Variants in SGCZ observed in about 807,000 individuals in gnomAD.
SGCZ encodes zeta-sarcoglycan.
SGCZ carries 40 observed loss-of-function variants against 41.3 expected under a neutral mutation model. That is an observed-to-expected ratio of 0.97 (90% CI 0.75 to 1.26). SGCZ has a LOEUF of 1.26. SGCZ is among the 50% of genes most tolerant of loss of function. The pLI is 0.00. For missense variants in SGCZ, 552 were observed against 369.8 expected, an observed-to-expected ratio of 1.49 and a Z score of -4.04; for synonymous variants, 206 against 137.5, an observed-to-expected ratio of 1.50 and a Z score of -3.49.
chr8:14,504,734 C>A (rs536777253), intron 2 of SGCZ, among the ~76,000 whole-genome samples: 1 of 152,108 alleles, frequency 6.6e-6, no homozygotes, highest in Non-Finnish European at 1.5e-5. Flanking sequence ...TCTCTTACTT[C>A]TTTATGGCAC....
Position 14,401,857 on chromosome 8 carries a change from C to T in SGCZ, c.235-77653G>A, listed in dbSNP as rs560718067. On this transcript the variant is annotated intron_variant, in intron 2 of 7. Coordinates refer to ENST00000382080, the MANE Select transcript of SGCZ (RefSeq NM_139167.4). ...TTCTAGTTCTAGATCCCTGAGGAAT[C>T]GCCACACTGACTTCCACAATGGTTG... Among the ~76,000 whole-genome samples the T allele has an allele frequency of 4.7e-3, 710 of 149,610 alleles. 4 individuals are homozygous for T. The highest frequency in any genetic ancestry group is 0.016 in the African/African-American group (646 of 39,368).
intron 2 of SGCZ, among the ~76,000 whole-genome samples, chr8:14,362,302 G>A (rs1157243019): frequency 6.6e-6 from 1 of 152,220 alleles, no homozygotes; most frequent in African/African-American, 2.4e-5. Context: ...TAGAGAGGCA[G>A]TAGGCCTTGC....
At chr8:15,006,654 T>C (rs1214205993) in intron 1 of SGCZ, among the ~76,000 whole-genome samples, 1 of 152,190 alleles carries the variant, frequency 6.6e-6, no homozygotes, top group Non-Finnish European at 1.5e-5. Flanking sequence ...GGACTCATGT[T>C]GGAACTGGTA....
intron 1 of SGCZ, among the ~76,000 whole-genome samples, chr8:15,142,916 G>T (rs1326436236): frequency 6.6e-6 from 1 of 152,192 alleles, no homozygotes; most frequent in African/African-American, 2.4e-5. Flanking sequence ...AGCCAAAAAT[G>T]CTACTTTAAA....
chr8:15,149,207 C>T (rs1389943479), intron 1 of SGCZ, among the ~76,000 whole-genome samples: 1 of 152,044 alleles, frequency 6.6e-6, no homozygotes, highest in Non-Finnish European at 1.5e-5. Flanking sequence ...AATGACTATC[C>T]TTCAAACATT....
At chr8:15,010,133 G>A (rs1305398385) in intron 1 of SGCZ, among the ~76,000 whole-genome samples, 1 of 152,054 alleles carries the variant, frequency 6.6e-6, no homozygotes, top group Non-Finnish European at 1.5e-5. Context: ...GTTCATAATG[G>A]TGAGAAAAAA....
chr8:14,374,127 C>T (rs1432192427), intron 2 of SGCZ, among the ~76,000 whole-genome samples: 2 of 152,140 alleles, frequency 1.3e-5, no homozygotes, highest in Admixed American at 6.5e-5. Context: ...CCTATAATCC[C>T]GGCACTTTGG....
At chr8:14,175,139 C>A (rs746437453) in intron 4 of SGCZ, among the ~76,000 whole-genome samples, 2 of 152,020 alleles carry the variant, frequency 1.3e-5, no homozygotes, top group Admixed American at 6.5e-5. Flanking sequence ...GTCTTCAATG[C>A]CCTAGAAGAA....
At chr8:15,051,298 G>C (rs578244602) in intron 1 of SGCZ, among the ~76,000 whole-genome samples, 40 of 152,262 alleles carry the variant, frequency 2.6e-4, no homozygotes, top group African/African-American at 8.9e-4. Flanking sequence ...AATGCATCTG[G>C]CTTCTTTCAC....
At chr8:14,908,875 A>T (rs1384806200) in intron 1 of SGCZ, among the ~76,000 whole-genome samples, 1 of 152,122 alleles carries the variant, frequency 6.6e-6, no homozygotes. Context: ...ATATGCGACG[A>T]ATAGTTTGTT....
Position 14,759,008 on chromosome 8 carries a change from C to CAAA in SGCZ, c.40-204085_40-204083dup, listed in dbSNP as rs760673509. On this transcript the variant is annotated intron_variant, in intron 1 of 7. Transcript: ENST00000382080. ...GGGCAACAGGAGTGAAACTCCATCT[C>CAAA]AAAAAAAAAAAAAAAAATTCTTTAC... Among the ~76,000 whole-genome samples the CAAA allele has an allele frequency of 2.0e-3, 222 of 112,498 alleles. 2 individuals are homozygous for CAAA. Among genetic ancestry groups the CAAA allele is most frequent in the African/African-American group, 5.1e-3 (165 of 32,670 alleles). 73.8% of individuals were successfully genotyped at this position (112,498 alleles called of 152,430 possible). A position where few individuals can be genotyped will look rare whatever the true frequency, so the allele number is the denominator to read the frequency against.
chr8:14,237,537 C>A (rs1055267487), intron 4 of SGCZ, 55 bp downstream of exon 4: 2 of 1,515,836 alleles, frequency 1.3e-6, no homozygotes, highest in Middle Eastern at 1.7e-4. Flanking sequence ...AAACCAAAAA[C>A]AACAACAAAA....
At chr8:14,472,026 T>C (rs1585560336) in intron 2 of SGCZ, among the ~76,000 whole-genome samples, 2 of 152,208 alleles carry the variant, frequency 1.3e-5, no homozygotes, top group South Asian at 4.1e-4. Flanking sequence ...TCTTTTATTA[T>C]TTCTCCTGTA....
chr8:14,676,414 G>C (rs1180608462), intron 1 of SGCZ, among the ~76,000 whole-genome samples: 1 of 151,766 alleles, frequency 6.6e-6, no homozygotes. Flanking sequence ...AGCTACTTGG[G>C]AGGCTGAGAC....
intron 2 of SGCZ, among the ~76,000 whole-genome samples, chr8:14,490,660 A>C (rs1158466483): frequency 2.0e-5 from 3 of 152,196 alleles, no homozygotes; most frequent in Non-Finnish European, 2.9e-5. Flanking sequence ...GTCCATTACA[A>C]GTCAAATTGT....
intron 1 of SGCZ, among the ~76,000 whole-genome samples, chr8:14,691,797 T>C (rs1187409839): frequency 6.6e-6 from 1 of 151,908 alleles, no homozygotes; most frequent in Non-Finnish European, 1.5e-5. Context: ...TAAAATTTTT[T>C]TTGCCGTAAT....
intron 1 of SGCZ, among the ~76,000 whole-genome samples, chr8:15,115,562 T>G (rs766004886): frequency 6.6e-6 from 1 of 152,188 alleles, no homozygotes; most frequent in African/African-American, 2.4e-5. Context: ...TGAAAACATA[T>G]GTAAAGGCTT....
At chr8:14,917,956 G>C (rs28541908) in intron 1 of SGCZ, among the ~76,000 whole-genome samples, 16,305 of 151,946 alleles carry the variant, frequency 0.11, 1,072 homozygotes, top group African/African-American at 0.17. Context: ...CAAAATATTA[G>C]GCTAGTTGCT....
At chr8:15,008,325 G>C (rs1802680733) in intron 1 of SGCZ, among the ~76,000 whole-genome samples, 1 of 151,652 alleles carries the variant, frequency 6.6e-6, no homozygotes. Flanking sequence ...CAATGGTTGT[G>C]ATATTTTCAT....
Sources: gnomAD v4.1 joint callset for allele counts (sites outside exome capture counted in the v4.1 genomes callset) on GRCh38, gnomAD v4.1.1 for gene constraint, MANE v1.5 for transcripts, NCBI Gene and HGNC (gene_info 2026-07-23, HGNC 2026-07-21) for gene names.